The following COL5A1 variants were observed in gnomAD, a reference collection of about 807,000 sequenced individuals.
COL5A1 encodes collagen type V alpha 1 chain.
In COL5A1, 16 loss-of-function variants were observed where a neutral mutation model predicts 263.7. That is an observed-to-expected ratio of 0.06 (90% CI 0.04 to 0.09). COL5A1 has a LOEUF of 0.09. COL5A1 is among the 10% of genes least tolerant of loss of function. The pLI is 1.00. For synonymous variants in COL5A1, 1,012 were observed against 1,004.5 expected (o/e 1.01, Z -0.14); for missense variants, 2,036 against 2,540.5 (o/e 0.80, Z 4.27).
chr9:134,822,026 G>T, intron 58 of COL5A1, 71 bp from the exon 59 acceptor site: 1 of 1,369,530 alleles, frequency 7.3e-7, no homozygotes, highest in South Asian at 1.2e-5. Context: ...GTGTGGCTGG[G>T]TAGCAGGGTT....
chr9:134,755,820 C>T lies in COL5A1; in HGVS notation c.1828-945C>T, dbSNP rs914826804. On this transcript the variant is annotated intron_variant, in intron 16 of 65. Transcript: ENST00000371817. The surrounding 1 kb of genome is among the most constrained non-coding windows in gnomAD (Gnocchi z 4.1). ...TCTCTTTTTGCTTCTCGGCTGTTCT[C>T]GGGTGCCACCTTGTCTGTCTCCAGT... Among the ~76,000 whole-genome samples the T allele has an allele frequency of 6.6e-5, 10 of 152,142 alleles. No individual in the cohort carries two copies. The highest frequency in any genetic ancestry group is 1.7e-4 in the African/African-American group (7 of 41,440).
chr9:134,805,823 G>A (rs905197258), intron 41 of COL5A1, among the ~76,000 whole-genome samples: 4 of 150,484 alleles, frequency 2.7e-5, no homozygotes, highest in African/African-American at 7.3e-5. Context: ...GGGGTGCCCC[G>A]TGGGCTCTAG....
chr9:134,695,418 TG>T (rs1183598074), intron 2 of COL5A1, among the ~76,000 whole-genome samples: 1 of 152,202 alleles, frequency 6.6e-6, no homozygotes, highest in Non-Finnish European at 1.5e-5. Context: ...CGCTGGGCCC[TG>T]GGACCCTCCA....
At chr9:134,703,642 T>G (rs1358542153) in intron 4 of COL5A1, among the ~76,000 whole-genome samples, 1 of 137,288 alleles carries the variant, frequency 7.3e-6, no homozygotes, top group African/African-American at 2.7e-5. Flanking sequence ...TTTTTTTTTT[T>G]TTTTTTTTTT....
chr9:134,661,894 T>C (rs1832217145), intron 1 of COL5A1, among the ~76,000 whole-genome samples: 1 of 152,110 alleles, frequency 6.6e-6, no homozygotes, highest in Non-Finnish European at 1.5e-5. Flanking sequence ...TTCTGTTCTC[T>C]AGGATGCTAA....
At chr9:134,727,674 G>GCTTGAC (rs576855538) in intron 5 of COL5A1, among the ~76,000 whole-genome samples, 50 of 152,282 alleles carry the variant, frequency 3.3e-4, no homozygotes, top group African/African-American at 1.2e-3. Context: ...TCACGCTTGG[G>GCTTGAC]CTTGACCTTG....
chr9:134,802,399 G>T (rs1838147095), intron 38 of COL5A1, among the ~76,000 whole-genome samples: 1 of 152,198 alleles, frequency 6.6e-6, no homozygotes, highest in Non-Finnish European at 1.5e-5. Context: ...TCAGTGTCAG[G>T]GGCAGCTTAG....
At chr9:134,705,834 T>C (rs1833818553) in intron 4 of COL5A1, among the ~76,000 whole-genome samples, 1 of 152,178 alleles carries the variant, frequency 6.6e-6, no homozygotes, top group South Asian at 2.1e-4. Flanking sequence ...AATTAGATGC[T>C]GTGAGTCCTG....
At position 134,844,565 on chromosome 9, in the gene COL5A1, T is replaced by C. The variant is rs1830195048; in HGVS notation, c.*2262T>C. ...TTGCAGAAATTCTTTTGGTGTAATTTTATTTTTTCCTCTCAATATATATAA... is the reference window on the plus strand; with the variant it reads ...TTGCAGAAATTCTTTTGGTGTAATTCTATTTTTTCCTCTCAATATATATAA... On this transcript the variant is annotated 3_prime_UTR_variant, in exon 66 of 66. Transcript: ENST00000371817. 1 of 152,226 alleles carries C rather than the reference T, an allele frequency of 6.6e-6. No individual in the cohort carries two copies. The highest frequency in any genetic ancestry group is 2.1e-4 in the South Asian group (1 of 4,834). 9.4% of individuals were successfully genotyped at this position (152,226 alleles called of 1,614,324 possible). A position where few individuals can be genotyped will look rare whatever the true frequency, so the allele number is the denominator to read the frequency against.
At chr9:134,788,833 TAGAC>T (rs1297288741) in intron 31 of COL5A1, among the ~76,000 whole-genome samples, 28 of 124,032 alleles carry the variant, frequency 2.3e-4, no homozygotes, top group Admixed American at 8.3e-4. Context: ...GGAGGATAGG[TAGAC>T]AGGCAGATGG....
intron 3 of COL5A1, 76 bp from the exon 4 acceptor site, chr9:134,701,095 C>T (rs73665738): frequency 3.6e-5 from 54 of 1,495,452 alleles, no homozygotes; most frequent in Non-Finnish European, 4.2e-5. Flanking sequence ...TCCTGTGTCT[C>T]GAGGAATTTG....
intron 4 of COL5A1, among the ~76,000 whole-genome samples, chr9:134,722,117 A>G (rs1834484881): frequency 6.6e-6 from 1 of 151,858 alleles, no homozygotes; most frequent in Non-Finnish European, 1.5e-5. Context: ...GTGAAAATCC[A>G]CCTGAGGATT....
intron 4 of COL5A1, among the ~76,000 whole-genome samples, chr9:134,710,237 G>A (rs958631844): frequency 2.6e-5 from 4 of 152,232 alleles, no homozygotes; most frequent in Admixed American, 1.3e-4. Context: ...CAGGTGCGCC[G>A]CTGTGTGCTG....
chr9:134,720,584 G>T (rs1834416507), intron 4 of COL5A1, among the ~76,000 whole-genome samples: 1 of 152,220 alleles, frequency 6.6e-6, no homozygotes, highest in South Asian at 2.1e-4. Flanking sequence ...GCTGCCGGAA[G>T]CCCTGGGTTG....
At chr9:134,816,666 C>G (rs1588583820) in intron 52 of COL5A1, among the ~76,000 whole-genome samples, 1 of 152,250 alleles carries the variant, frequency 6.6e-6, no homozygotes, top group East Asian at 1.9e-4. Context: ...CCACCACTTC[C>G]CGGCCTGTGT....
rs2132841870 is a variant in COL5A1 at position 134,810,475 on chromosome 9, A to G, written c.3528+167A>G. 4 of 638,082 alleles carry G rather than the reference A, an allele frequency of 6.3e-6. No homozygotes were observed. In the South Asian group the frequency reaches 7.7e-5, roughly 12 times the overall value. 39.5% of individuals were successfully genotyped at this position (638,082 alleles called of 1,614,324 possible). ...GTGTTCCCACAACGTGTGTGTGTGC[A>G]CACGCGTGCATATCTGGGAGTGAGT... On this transcript the variant is annotated intron_variant, in intron 44 of 65. Coordinates refer to ENST00000371817, the MANE Select transcript of COL5A1 (RefSeq NM_000093.5).
At chr9:134,828,768 C>G (rs1035640331) in intron 63 of COL5A1, among the ~76,000 whole-genome samples, 4 of 135,098 alleles carry the variant, frequency 3.0e-5, no homozygotes, top group Non-Finnish European at 4.9e-5. Flanking sequence ...ATACATACCA[C>G]ACATCACAGA....
chr9:134,839,815 C>G (rs1300273685), intron 65 of COL5A1, among the ~76,000 whole-genome samples: 1 of 152,240 alleles, frequency 6.6e-6, no homozygotes, highest in South Asian at 2.1e-4. Context: ...TGTGTCCAGC[C>G]CCGCTGCCCA....
At position 134,812,607 on chromosome 9, in the gene COL5A1, C is replaced by T. The variant is rs751342968; in HGVS notation, c.3747C>T (p.Gly1249=). The T allele has an allele frequency of 8.1e-6, 13 of 1,601,628 alleles. No individual in the cohort carries two copies. The African/African-American group carries it at 1.2e-4, about 15-fold the overall frequency. The change falls in exon 48 of 66, where the codon GGC becomes GGT. Residue 1249 remains glycine, a splice_region_variant and synonymous_variant. Transcript: ENST00000371817. ...CAGTGGTCTCTCCCTTTTCCTAGGG[C>T]CCCCCGGGTCCCCCTGGCCCCCGAG... ...KGETGDVGQM[G]PPGPPGPRGP...
Sources: allele counts gnomAD v4.1 joint callset (sites outside exome capture counted in the v4.1 genomes callset), GRCh38; gene constraint gnomAD v4.1.1; non-coding constraint Gnocchi (gnomAD v3.1); transcripts MANE v1.5; gene names NCBI Gene and HGNC (gene_info 2026-07-23, HGNC 2026-07-21).